The following NTRK3 variants were observed in gnomAD, a reference collection of about 807,000 sequenced individuals.
NTRK3 encodes NT-3 growth factor receptor.
In NTRK3, 24 loss-of-function variants were observed where a neutral mutation model predicts 91.7. The ratio of observed to expected loss-of-function variants is 0.26; its 90% CI spans 0.19 to 0.37. NTRK3 has a LOEUF of 0.37. NTRK3 is among the 10% of genes least tolerant of loss of function. The pLI, the probability that NTRK3 is intolerant of heterozygous loss-of-function variation, is 1.00. For missense variants in NTRK3, 880 were observed against 1,068.9 expected (o/e 0.82, Z 2.46); for synonymous variants, 483 against 404.0 (o/e 1.20, Z -2.34).
chr15:88,244,857 C>A (rs1000614225), intron 3 of NTRK3, among the ~76,000 whole-genome samples: 1 of 152,186 alleles, frequency 6.6e-6, no homozygotes, highest in Admixed American at 6.5e-5. Context: ...GAATGGGAAG[C>A]TATGTAAGGC....
chr15:88,191,217 C>G (rs1448694267), intron 3 of NTRK3, among the ~76,000 whole-genome samples: 2 of 145,912 alleles, frequency 1.4e-5, no homozygotes, highest in Non-Finnish European at 3.0e-5. Context: ...TGTCTTAACA[C>G]AGAGCCTCAC....
intron 17 of NTRK3, among the ~76,000 whole-genome samples, chr15:87,883,269 C>A (rs1042347996): frequency 1.3e-5 from 2 of 148,968 alleles, no homozygotes; most frequent in Admixed American, 1.3e-4. Context: ...AAATTTATAT[C>A]ATAATTAATA....
intron 14 of NTRK3, chr15:87,946,342 G>C (rs920399354): frequency 2.6e-5 from 4 of 152,212 alleles, no homozygotes; most frequent in Admixed American, 6.5e-5. Flanking sequence ...AGAGAAACCC[G>C]ATTTCCCAGG....
At chr15:88,199,021 A>G (rs2048067256) in intron 3 of NTRK3, among the ~76,000 whole-genome samples, 1 of 152,116 alleles carries the variant, frequency 6.6e-6, no homozygotes, top group South Asian at 2.1e-4. Flanking sequence ...GAGACAAGTA[A>G]CACTTCATAG....
intron 3 of NTRK3, among the ~76,000 whole-genome samples, chr15:88,195,977 CT>C (rs1400199837): frequency 6.6e-6 from 1 of 152,212 alleles, no homozygotes; most frequent in African/African-American, 2.4e-5. Flanking sequence ...GCACTTATCA[CT>C]TCTTTAATAA....
At chr15:87,982,034 C>G (rs935993197) in intron 14 of NTRK3, among the ~76,000 whole-genome samples, 2 of 152,160 alleles carry the variant, frequency 1.3e-5, no homozygotes, top group African/African-American at 4.8e-5. Context: ...GACCATGCAG[C>G]ATTTGTGGGC....
chr15:88,028,319 GCTGA>G (rs2078220201), intron 14 of NTRK3, among the ~76,000 whole-genome samples: 1 of 152,162 alleles, frequency 6.6e-6, no homozygotes, highest in Non-Finnish European at 1.5e-5. Flanking sequence ...TAAAAGAAAG[GCTGA>G]CACAAACCCT....
intron 17 of NTRK3, among the ~76,000 whole-genome samples, chr15:87,912,931 A>T (rs5000259): frequency 0.091 from 3,138 of 34,382 alleles, 144 homozygotes; most frequent in African/African-American, 0.12. Context: ...AGTAAAAAAA[A>T]ATATATATAT....
intron 14 of NTRK3, among the ~76,000 whole-genome samples, chr15:88,032,158 G>A (rs868091452): frequency 6.6e-6 from 1 of 152,116 alleles, no homozygotes. Flanking sequence ...CACACAGCAG[G>A]AGGAACCCTG....
At chr15:87,932,399 A>G (rs2068879234) in intron 16 of NTRK3, among the ~76,000 whole-genome samples, 1 of 152,206 alleles carries the variant, frequency 6.6e-6, no homozygotes, top group South Asian at 2.1e-4. Flanking sequence ...GTGCGACTGA[A>G]TTTTTAAACC....
At chr15:88,116,687 A>G (rs931758799) in intron 13 of NTRK3, among the ~76,000 whole-genome samples, 2 of 152,200 alleles carry the variant, frequency 1.3e-5, no homozygotes, top group African/African-American at 4.8e-5. Flanking sequence ...AGCCTTCCCC[A>G]GACCTATTGA....
At chr15:88,126,187 A>T in intron 13 of NTRK3, 84 bp downstream of exon 13, 1 of 1,022,768 alleles carries the variant, frequency 9.8e-7, no homozygotes, top group Non-Finnish European at 1.5e-6. Context: ...TCAGAGAGCA[A>T]TGGGAGATTA....
chr15:87,916,308 GAAAA>G, intron 17 of NTRK3: 19 of 335,354 alleles, frequency 5.7e-5, no homozygotes, highest in South Asian at 1.9e-4. Context: ...TTTGTCTCAG[GAAAA>G]AAAAAAAAAA....
intron 6 of NTRK3, among the ~76,000 whole-genome samples, chr15:88,139,674 G>A (rs1252540657): frequency 3.3e-5 from 5 of 151,906 alleles, no homozygotes; most frequent in African/African-American, 1.2e-4. Flanking sequence ...CTGGGAGATG[G>A]TCAGAACTGC....
intron 14 of NTRK3, among the ~76,000 whole-genome samples, chr15:87,943,212 G>A (rs1047142591): frequency 5.9e-5 from 9 of 152,112 alleles, no homozygotes; most frequent in East Asian, 3.9e-4. Context: ...ACCAGAACAC[G>A]GCTTCTTTGG....
chr15:88,010,003 G>A (rs549768005), intron 14 of NTRK3, among the ~76,000 whole-genome samples: 1 of 152,334 alleles, frequency 6.6e-6, no homozygotes, highest in Admixed American at 6.5e-5. Flanking sequence ...TCTTCCAAAT[G>A]ATTAGATGTC....
At chr15:87,928,212 C>T (rs2068493116) in intron 17 of NTRK3, 1 of 152,202 alleles carries the variant, frequency 6.6e-6, no homozygotes. Context: ...AACTCCTGAC[C>T]TCGTGATCCA....
chr15:88,035,918 G>C (rs1045587900), intron 13 of NTRK3, among the ~76,000 whole-genome samples: 1 of 152,122 alleles, frequency 6.6e-6, no homozygotes, highest in African/African-American at 2.4e-5. Flanking sequence ...AGTTAAAGGA[G>C]AGTGGAAGAT....
intron 16 of NTRK3, among the ~76,000 whole-genome samples, 180 bp from the exon 17 acceptor site, chr15:87,929,614 T>C (rs1300503731): frequency 2.6e-5 from 4 of 152,122 alleles, no homozygotes; most frequent in African/African-American, 9.7e-5. Flanking sequence ...TGGGTAAGGG[T>C]GAAACTCCAC....
Sources: allele counts gnomAD v4.1 joint callset (sites outside exome capture counted in the v4.1 genomes callset), GRCh38; gene constraint gnomAD v4.1.1; transcripts MANE v1.5; gene names NCBI Gene and HGNC (gene_info 2026-07-23, HGNC 2026-07-21).